Variants in SLMAP observed in about 807,000 individuals in gnomAD.
SLMAP encodes sarcolemmal membrane-associated protein.
In SLMAP, 44 loss-of-function variants were observed where a neutral mutation model predicts 128.8. The ratio of observed to expected loss-of-function variants is 0.34; its 90% CI spans 0.27 to 0.44. The LOEUF (loss-of-function observed/expected upper bound fraction) is 0.44, where lower values mean the gene tolerates loss of function less well. Among genes scored for constraint, SLMAP ranks in the 20% least tolerant of loss-of-function variants. The pLI is 1.00. For missense variants in SLMAP, 787 were observed against 985.3 expected (o/e 0.80, Z 2.69); for synonymous variants, 327 against 348.8 (o/e 0.94, Z 0.70).
At chr3:57,839,036 C>T (rs994242166) in intron 3 of SLMAP, among the ~76,000 whole-genome samples, 1 of 151,816 alleles carries the variant, frequency 6.6e-6, no homozygotes, top group Non-Finnish European at 1.5e-5. Context: ...TCACTGTAGC[C>T]TCGAACTCCC....
chr3:57,874,951 AAC>A (rs2095568869), intron 14 of SLMAP, among the ~76,000 whole-genome samples: 2 of 152,116 alleles, frequency 1.3e-5, no homozygotes, highest in Admixed American at 6.6e-5. Flanking sequence ...CTATATTTGT[AAC>A]ACAGAATAAA....
intron 5 of SLMAP, among the ~76,000 whole-genome samples, chr3:57,848,644 TTCC>T (rs1216971296): frequency 4.8e-5 from 7 of 145,952 alleles, no homozygotes; most frequent in South Asian, 2.3e-4. Context: ...CTTCCTTTTC[TTCC>T]TCCTCCTCCT....
chr3:57,823,446 A>G (rs920480778), intron 2 of SLMAP, among the ~76,000 whole-genome samples: 1 of 151,516 alleles, frequency 6.6e-6, no homozygotes, highest in Non-Finnish European at 1.5e-5. Context: ...TTCAATTCCC[A>G]CCTATGAGTG....
rs2091860449 is a variant in SLMAP at position 57,816,344 on chromosome 3, A to G, written c.199-15039A>G. Among the ~76,000 whole-genome samples the G allele has an allele frequency of 2.6e-5, 4 of 152,220 alleles. No individual in the cohort carries two copies. The South Asian group carries it at 8.3e-4, about 32-fold the overall frequency. On this transcript the variant is annotated intron_variant, in intron 2 of 24. Transcript: ENST00000671191. ...TTTTTAGTAGAGATGGGGTTTCTCC[A>G]TGTTGGCCAGGCTGGTCTCAAACTC...
chr3:57,923,422 A>G (rs1460147987), intron 23 of SLMAP, among the ~76,000 whole-genome samples: 1 of 152,220 alleles, frequency 6.6e-6, no homozygotes, highest in Admixed American at 6.5e-5. Flanking sequence ...TCTTATACCA[A>G]TAATGTTCTC....
At chr3:57,920,867 AT>A (rs2153704582) in intron 22 of SLMAP, among the ~76,000 whole-genome samples, 1 of 152,240 alleles carries the variant, frequency 6.6e-6, no homozygotes, top group Non-Finnish European at 1.5e-5. Context: ...ATACAAAAAA[AT>A]TAGCCAGGCA....
intron 2 of SLMAP, among the ~76,000 whole-genome samples, chr3:57,783,718 G>T (rs2083503518): frequency 6.6e-6 from 1 of 152,176 alleles, no homozygotes; most frequent in Non-Finnish European, 1.5e-5. Context: ...AGGGAGCCAA[G>T]TACTTATCAT....
intron 12 of SLMAP, 138 bp downstream of exon 12, chr3:57,864,995 T>C: frequency 1.3e-6 from 1 of 751,716 alleles, no homozygotes. Context: ...TTAGAAAATT[T>C]TCTTTAAAAA....
chr3:57,779,850 A>G (rs2082651859), intron 2 of SLMAP, among the ~76,000 whole-genome samples: 1 of 152,094 alleles, frequency 6.6e-6, no homozygotes, highest in African/African-American at 2.4e-5. Flanking sequence ...GTCTGGCTTG[A>G]GTCTGTGCTC....
chr3:57,862,304 C>A (rs900039231), intron 10 of SLMAP, among the ~76,000 whole-genome samples: 1 of 150,634 alleles, frequency 6.6e-6, no homozygotes, highest in Non-Finnish European at 1.5e-5. Flanking sequence ...GGCGACAGAG[C>A]GATACTCCAT....
intron 2 of SLMAP, among the ~76,000 whole-genome samples, chr3:57,766,572 T>G (rs562754845): frequency 1.3e-5 from 2 of 152,348 alleles, no homozygotes; most frequent in Admixed American, 6.5e-5. Flanking sequence ...ACTATATAGG[T>G]AGATAAATAG....
At chr3:57,774,396 A>T (rs1272300997) in intron 2 of SLMAP, among the ~76,000 whole-genome samples, 1 of 152,172 alleles carries the variant, frequency 6.6e-6, no homozygotes, top group African/African-American at 2.4e-5. Flanking sequence ...AGGTGTTAGT[A>T]TTATTATGAA....
intron 15 of SLMAP, among the ~76,000 whole-genome samples, chr3:57,894,440 A>G (rs2096183229): frequency 6.6e-6 from 1 of 152,220 alleles, no homozygotes; most frequent in Non-Finnish European, 1.5e-5. Flanking sequence ...TTCAGTGAGC[A>G]TTATGTATCG....
In SLMAP at chr3:57,879,579, A is replaced by G. The variant is rs1157527345; in HGVS notation, c.1300+7881A>G. Among the ~76,000 whole-genome samples the G allele has an allele frequency of 2.6e-5, 4 of 152,186 alleles. No individual in the cohort carries two copies. In the East Asian group the frequency reaches 7.7e-4, roughly 29 times the overall value. The stretch of plus-strand genomic sequence containing the variant: ...TTTATATAAAGTTCAAAACTACTAA[A>G]ATCATATTATTTGGTCATGTATATT... On this transcript the variant is annotated intron_variant, in intron 14 of 24. Transcript: ENST00000671191.
At chr3:57,913,070 T>C in intron 20 of SLMAP, 88 bp from the exon 21 acceptor site, 1 of 673,798 alleles carries the variant, frequency 1.5e-6, no homozygotes, top group Non-Finnish European at 2.6e-6. Context: ...AAAAAGTATG[T>C]TCTCCTCTGA....
intron 14 of SLMAP, among the ~76,000 whole-genome samples, chr3:57,879,442 T>G (rs569448139): frequency 2.2e-4 from 33 of 152,140 alleles, no homozygotes; most frequent in Admixed American, 5.9e-4. Context: ...GCAGCATTAT[T>G]CACATTAGAT....
At chr3:57,927,213 A>G (rs1421253794) in intron 24 of SLMAP, 83 bp from the exon 25 acceptor site, 5 of 740,748 alleles carry the variant, frequency 6.7e-6, no homozygotes, top group Non-Finnish European at 1.1e-5. Flanking sequence ...TTAAGTATTC[A>G]GGACTCTCTG....
chr3:57,896,571 A>G lies in SLMAP; in HGVS notation c.1421A>G (p.Lys474Arg). 2 of 1,610,700 alleles carry G rather than the reference A, an allele frequency of 1.2e-6. No individual in the cohort carries two copies. The highest frequency in any genetic ancestry group is 8.5e-7 in the Non-Finnish European group (1 of 1,178,658). Reference sequence around the variant, plus strand: ...GATACTCTGAGTCCAAGCAAGGAAAAAAGCAGTGACGACACTACAGGTGAG... The same window carrying G: ...GATACTCTGAGTCCAAGCAAGGAAAGAAGCAGTGACGACACTACAGGTGAG... ...FSDTLSPSKEKSSDDTTDAQM... is the reference protein window; with the variant it reads ...FSDTLSPSKERSSDDTTDAQM... Residue 474 changes from lysine (K) to arginine (R), a missense_variant, in exon 16 of 25, where the codon AAA (lysine) becomes AGA (arginine). Around this residue, in one of 2 missense-constraint regions of SLMAP, gnomAD observed 715 missense variants for 843.6 expected, o/e 0.85. Transcript: ENST00000671191.
At chr3:57,895,378 C>T (rs181410698) in intron 15 of SLMAP, among the ~76,000 whole-genome samples, 9 of 152,134 alleles carry the variant, frequency 5.9e-5, no homozygotes, top group Admixed American at 5.2e-4. Flanking sequence ...CTCTGTCACC[C>T]AGGCTGGAGT....
Sources: allele counts gnomAD v4.1 joint callset (sites outside exome capture counted in the v4.1 genomes callset), GRCh38; gene constraint gnomAD v4.1.1; regional missense constraint gnomAD v4.1.1; transcripts MANE v1.5; gene names NCBI Gene and HGNC (gene_info 2026-07-23, HGNC 2026-07-21).